SPACA7: variants seen among roughly 807,000 people sequenced by gnomAD.
The protein encoded by SPACA7 is sperm acrosome associated 7.
A neutral mutation model predicts 26.3 loss-of-function variants in SPACA7; 19 were observed. That is an observed-to-expected ratio of 0.72 (90% confidence interval 0.50 to 1.06). SPACA7 has a LOEUF of 1.06. Among genes scored for constraint, SPACA7 ranks in the 50% least tolerant of loss-of-function variants. The pLI is 0.00. For synonymous variants in SPACA7, 84 were observed against 84.5 expected, an observed-to-expected ratio of 0.99 and a Z score of 0.04; for missense variants, 211 against 229.9, an observed-to-expected ratio of 0.92 and a Z score of 0.53.
At chr13:112,389,122 CAAG>C (rs751027267) in intron 1 of SPACA7, among the ~76,000 whole-genome samples, 11 of 152,304 alleles carry the variant, frequency 7.2e-5, no homozygotes, top group East Asian at 3.9e-4. Context: ...AGTCCCCAAG[CAAG>C]AAGAAGTTTG....
chr13:112,411,405 C>T (rs1378189460), intron 5 of SPACA7, among the ~76,000 whole-genome samples: 2 of 152,098 alleles, frequency 1.3e-5, no homozygotes, highest in African/African-American at 2.4e-5. Context: ...ACTGAGATGT[C>T]CACCACCTCA....
chr13:112,425,818 C>T lies in SPACA7; in HGVS notation c.446-6626C>T, dbSNP rs1448789387. On this transcript the variant is annotated intron_variant, in intron 5 of 6. Coordinates refer to ENST00000283550, the MANE Select transcript of SPACA7 (RefSeq NM_145248.5). Reference sequence around the variant, plus strand: ...TCTGGGAGATGCAAAGCACCCTCTGCCTCCCCACCCTCCATGGCACTGGAG... The same window carrying T: ...TCTGGGAGATGCAAAGCACCCTCTGTCTCCCCACCCTCCATGGCACTGGAG... 2.6e-5 allele frequency among the ~76,000 whole-genome samples: 4 copies of T among 152,168 alleles called. No individual in the cohort carries two copies. The East Asian group carries it at 7.7e-4, about 29-fold the overall frequency.
chr13:112,411,869 C>T (rs756482803), intron 5 of SPACA7, among the ~76,000 whole-genome samples: 4 of 152,126 alleles, frequency 2.6e-5, no homozygotes, highest in Non-Finnish European at 4.4e-5. Flanking sequence ...GTTGATACCA[C>T]GTTTGGTCTA....
intron 6 of SPACA7, 79 bp from the exon 7 acceptor site, chr13:112,434,406 G>C (rs1461627610): frequency 8.2e-7 from 1 of 1,223,350 alleles, no homozygotes; most frequent in Non-Finnish European, 1.2e-6. Context: ...CTGTCCCCTG[G>C]TGTCCCTCGA....
At chr13:112,384,012 A>G (rs1408708540) in intron 1 of SPACA7, among the ~76,000 whole-genome samples, 2 of 152,244 alleles carry the variant, frequency 1.3e-5, no homozygotes, top group African/African-American at 4.8e-5. Flanking sequence ...CTCACTTGTT[A>G]AAAGTTGCAA....
intron 4 of SPACA7, 39 bp downstream of exon 4, chr13:112,399,212 C>A: frequency 9.2e-7 from 1 of 1,084,520 alleles, no homozygotes; most frequent in Non-Finnish European, 1.4e-6. Flanking sequence ...CCAAGTCCAG[C>A]TGTAATGGGA....
rs1297320487 is a variant in SPACA7 at position 112,425,812 on chromosome 13, C to A, written c.446-6632C>A. ...CTGAGGTCTGGGAGATGCAAAGCAC[C>A]CTCTGCCTCCCCACCCTCCATGGCA... On this transcript the variant is annotated intron_variant, in intron 5 of 6. Coordinates refer to ENST00000283550, the MANE Select transcript of SPACA7 (RefSeq NM_145248.5). Among the ~76,000 whole-genome samples, 3 of 152,080 alleles carry A rather than the reference C, an allele frequency of 2.0e-5. No individual in the cohort carries two copies. In the South Asian group the frequency reaches 6.2e-4, roughly 32 times the overall value.
At chr13:112,417,700 T>C (rs987738611) in intron 5 of SPACA7, among the ~76,000 whole-genome samples, 5 of 152,144 alleles carry the variant, frequency 3.3e-5, no homozygotes, top group African/African-American at 1.2e-4. Context: ...CCAGGACCCA[T>C]ATTTAGTATT....
chr13:112,393,561 C>T (rs1416650235), intron 2 of SPACA7, among the ~76,000 whole-genome samples: 7 of 152,014 alleles, frequency 4.6e-5, no homozygotes, highest in East Asian at 1.9e-4. Flanking sequence ...GGCCTCACCC[C>T]GGGGATGCAG....
At chr13:112,376,727 T>C (rs1211394031) in intron 1 of SPACA7, among the ~76,000 whole-genome samples, 2 of 152,196 alleles carry the variant, frequency 1.3e-5, no homozygotes, top group East Asian at 1.9e-4. Context: ...GGGAAGAATA[T>C]CATGAACCTT....
At chr13:112,390,551 A>C (rs1594254874) in intron 1 of SPACA7, among the ~76,000 whole-genome samples, 1 of 152,176 alleles carries the variant, frequency 6.6e-6, no homozygotes, top group East Asian at 1.9e-4. Flanking sequence ...TATGAAGAAA[A>C]GAGGTTTAAT....
intron 3 of SPACA7, 73 bp from the exon 4 acceptor site, chr13:112,398,993 A>C: frequency 1.1e-6 from 1 of 880,430 alleles, no homozygotes; most frequent in Non-Finnish European, 1.9e-6. Context: ...AAAATAAAGC[A>C]TGGGCCAAAA....
chr13:112,410,366 TA>T (rs556629330), intron 5 of SPACA7, among the ~76,000 whole-genome samples: 51 of 150,724 alleles, frequency 3.4e-4, no homozygotes, highest in Middle Eastern at 3.4e-3. Context: ...AAAGTACAAT[TA>T]AAAAAATATA....
rs1200701666 is a variant in SPACA7, at chr13:112,383,078, A to C, written c.94+6599A>C. Among the ~76,000 whole-genome samples the C allele has an allele frequency of 6.0e-3, 564 of 93,828 alleles. 2 individuals are homozygous for C. Among genetic ancestry groups the C allele is most frequent in the African/African-American group, 0.02 (473 of 23,672 alleles). The allele number at this position is 93,828 out of a possible 152,430, so 61.6% of individuals were successfully genotyped here. On this transcript the variant is annotated intron_variant, in intron 1 of 6. Transcript: ENST00000283550. ...AAAGAAAGAGACAGAAAGAGAAAGA[A>C]AGAAAAAGAAAGAAAGAAAGAAGAA... is the stretch of plus-strand genomic sequence containing the variant.
At chr13:112,403,379 G>A (rs1885768206) in intron 5 of SPACA7, among the ~76,000 whole-genome samples, 1 of 152,062 alleles carries the variant, frequency 6.6e-6, no homozygotes, top group African/African-American at 2.4e-5. Flanking sequence ...TCTTGATCAA[G>A]TAAGCCAGTG....
chr13:112,407,270 T>G (rs372809300), intron 5 of SPACA7, among the ~76,000 whole-genome samples: 2 of 151,820 alleles, frequency 1.3e-5, no homozygotes, highest in East Asian at 1.9e-4. Flanking sequence ...AAGCAGGAAA[T>G]ATCTAAAATT....
Position 112,393,070 on chromosome 13 carries a change from A to G in SPACA7, c.144A>G (p.Glu48=). The change falls in exon 2 of 7, where the codon GAA becomes GAG. Residue 48 remains glutamate, a synonymous_variant. Coordinates refer to ENST00000283550, the MANE Select transcript of SPACA7 (RefSeq NM_145248.5). ...PFSSKQEDMS[E]LLDEILVQEI... Reference sequence around the variant, plus strand: ...GTTCAAAACAGGAGGATATGTCTGAATTATTAGGTAAGGAAGCCCCTCCTA... The same window carrying G: ...GTTCAAAACAGGAGGATATGTCTGAGTTATTAGGTAAGGAAGCCCCTCCTA... 1 of 1,612,816 alleles carries G rather than the reference A, an allele frequency of 6.2e-7. No homozygotes were observed.
At chr13:112,378,847 C>T (rs890828979) in intron 1 of SPACA7, 2 of 435,134 alleles carry the variant, frequency 4.6e-6, no homozygotes, top group African/African-American at 4.1e-5. Context: ...GGTAATATGA[C>T]CAATGTTTCC....
intron 4 of SPACA7, among the ~76,000 whole-genome samples, chr13:112,400,237 C>T (rs898104488): frequency 3.9e-5 from 6 of 152,158 alleles, no homozygotes; most frequent in African/African-American, 7.2e-5. Context: ...CCCAAAGAGT[C>T]CCCCCAATAA....
Sources: gnomAD v4.1 joint callset for allele counts (sites outside exome capture counted in the v4.1 genomes callset) on GRCh38, gnomAD v4.1.1 for gene constraint, MANE v1.5 for transcripts, NCBI Gene and HGNC (gene_info 2026-07-23, HGNC 2026-07-21) for gene names.